KIR2DL3: variants seen among roughly 807,000 people sequenced by gnomAD.
KIR2DL3 encodes killer cell immunoglobulin-like receptor 2DL3.
KIR2DL3 carries 39 observed loss-of-function variants against 33.8 expected under a neutral mutation model. The ratio of observed to expected loss-of-function variants is 1.15; its 90% CI spans 0.89 to 1.51. The LOEUF (loss-of-function observed/expected upper bound fraction) is 1.51. Among genes scored for constraint, KIR2DL3 ranks in the 40% most tolerant of loss-of-function variants. The pLI, the probability that KIR2DL3 is intolerant of heterozygous loss-of-function variation, is 0.00. For missense variants in KIR2DL3, 462 were observed against 426.2 expected (o/e 1.08, Z -0.74); for synonymous variants, 174 against 160.2 (o/e 1.09, Z -0.65).
chr19:54,739,807 A>G (rs1339689303), intron 2 of KIR2DL3, among the ~76,000 whole-genome samples: 1 of 152,212 alleles, frequency 6.6e-6, no homozygotes, highest in Non-Finnish European at 1.5e-5. Context: ...CTGAGGACAA[A>G]GGTGTTACTC....
intron 5 of KIR2DL3, among the ~76,000 whole-genome samples, chr19:54,747,756 C>T (rs1416758173): frequency 1.3e-5 from 2 of 152,156 alleles, no homozygotes; most frequent in Non-Finnish European, 2.9e-5. Context: ...TAGAGAAGTT[C>T]CACTTGCCAA....
At chr19:54,743,122 G>T (rs1267894596) in intron 3 of KIR2DL3, among the ~76,000 whole-genome samples, 1 of 151,926 alleles carries the variant, frequency 6.6e-6, no homozygotes, top group African/African-American at 2.4e-5. Context: ...GAACTAGAGA[G>T]ACCGAGAGGC....
chr19:54,743,019 G>T (rs2071477719), intron 3 of KIR2DL3, among the ~76,000 whole-genome samples: 1 of 151,870 alleles, frequency 6.6e-6, no homozygotes. Flanking sequence ...ATGGCAGGGA[G>T]CAGAGAAAAG....
rs71195797 is a variant in KIR2DL3, at chr19:54,744,954, ATTTTT to A, written c.664+885_664+889del. On this transcript the variant is annotated intron_variant, in intron 4 of 7. Transcript: ENST00000342376. ...TATATATATATATATATATATATATATTTTTTTTTTTTTTTTTTTTTTTACCCTCC... is the reference window on the plus strand; with the variant it reads ...TATATATATATATATATATATATATATTTTTTTTTTTTTTTTTTACCCTCC... Among the ~76,000 whole-genome samples the A allele has an allele frequency of 9.5e-3, 297 of 31,190 alleles. 2 individuals are homozygous for A. Among genetic ancestry groups the A allele is most frequent in the Admixed American group, 0.049 (96 of 1,946 alleles). 20.5% of individuals were successfully genotyped at this position (31,190 alleles called of 152,430 possible).
Position 54,744,025 on chromosome 19 carries a change from T to C in KIR2DL3, c.601T>C (p.Ser201Pro). 2.5e-6 allele frequency: 4 copies of C among 1,614,232 alleles called. No individual in the cohort carries two copies. The highest frequency in any genetic ancestry group is 2.5e-6 in the Non-Finnish European group (3 of 1,180,052). The change falls in exon 4 of 8, where the codon TCT becomes CCT. Residue 201 changes from serine (S) to proline (P), a missense_variant. By Grantham distance (74) the Ser-to-Pro change is moderately conservative (BLOSUM62 -1). Transcript: ENST00000342376. ...THGGTYRCFG[S>P]FRDSPYEWSN... ...CGGAGGAACCTACAGATGCTTCGGC[T>C]CTTTCCGTGACTCTCCATACGAGTG...
intron 3 of KIR2DL3, among the ~76,000 whole-genome samples, chr19:54,743,277 A>AATG (rs2071533051): frequency 6.7e-6 from 1 of 150,006 alleles, no homozygotes; most frequent in Non-Finnish European, 1.5e-5. Flanking sequence ...GACAGATAAT[A>AATG]CGTACAGATA....
Position 54,745,424 on chromosome 19 carries a change from G to A in KIR2DL3, c.664+1336G>A, listed in dbSNP as rs527885640. Among the ~76,000 whole-genome samples, 1,047 of 151,432 alleles carry A rather than the reference G, an allele frequency of 6.9e-3. 11 individuals carry two copies. The highest frequency in any genetic ancestry group is 0.024 in the African/African-American group (991 of 41,196). On this transcript the variant is annotated intron_variant, in intron 4 of 7. Coordinates refer to ENST00000342376, the MANE Select transcript of KIR2DL3 (RefSeq NM_015868.3). ...GTGCCCAGGCTGGAGTACAAGTGAA[G>A]TCATCTTGGCTCATTGCAACCTCCG...
intron 2 of KIR2DL3, among the ~76,000 whole-genome samples, chr19:54,741,718 G>A (rs1476951901): frequency 6.6e-6 from 1 of 151,246 alleles, no homozygotes; most frequent in Non-Finnish European, 1.5e-5. Context: ...ACATTAGTGT[G>A]AAATAGATAC....
intron 4 of KIR2DL3, among the ~76,000 whole-genome samples, chr19:54,746,798 C>G (rs1436296095): frequency 6.7e-6 from 1 of 149,672 alleles, no homozygotes; most frequent in Non-Finnish European, 1.5e-5. Flanking sequence ...GTCTGGCCGA[C>G]GTGATGAAAC....
rs2073697300 is a variant in KIR2DL3 at position 54,752,852 on chromosome 19, C to T, written c.*333C>T. The T allele has an allele frequency of 1.3e-5, 6 of 460,242 alleles. No individual in the cohort carries two copies. In the East Asian group the frequency reaches 2.0e-4, roughly 16 times the overall value. The allele number at this position is 460,242 out of a possible 1,614,324, so 28.5% of individuals were successfully genotyped here. ...CCTAGTCTACTTGAGGCTGCAATCA[C>T]ACTGAGGAACTCACAATTCCAAACA... is the stretch of plus-strand genomic sequence containing the variant. On this transcript the variant is annotated 3_prime_UTR_variant, in exon 8 of 8. Transcript: ENST00000342376.
chr19:54,745,661 A>G (rs998460494), intron 4 of KIR2DL3, among the ~76,000 whole-genome samples: 1 of 150,494 alleles, frequency 6.6e-6, no homozygotes, highest in Non-Finnish European at 1.5e-5. Flanking sequence ...ACCTCACCCA[A>G]CCTCTTTTTA....
rs185502633 is a variant in KIR2DL3, at chr19:54,740,253, G to T, written c.70+711G>T. Among the ~76,000 whole-genome samples the T allele has an allele frequency of 1.1e-4, 16 of 152,118 alleles. No individual in the cohort carries two copies. The South Asian group carries it at 2.3e-3, about 22-fold the overall frequency. ...TCCACATCCTCCTCTCTAAGGCGGC[G>T]CCTCCTTCTCCCCAAGGTGGTCAGG... On this transcript the variant is annotated intron_variant, in intron 2 of 7. Coordinates refer to ENST00000342376, the MANE Select transcript of KIR2DL3 (RefSeq NM_015868.3).
chr19:54,738,652 C>T, intron 1 of KIR2DL3, 73 bp downstream of exon 1: 2 of 1,609,544 alleles, frequency 1.2e-6, no homozygotes, highest in Non-Finnish European at 8.5e-7. Flanking sequence ...AGATATAGGC[C>T]TGGAAGTGGA....
chr19:54,747,022 T>A (rs1175988129), intron 4 of KIR2DL3, among the ~76,000 whole-genome samples: 178 of 126,572 alleles, frequency 1.4e-3, no homozygotes, highest in South Asian at 3.9e-3. Flanking sequence ...AATGCATGGA[T>A]TATATCTGTG....
rs558357351 is a variant in KIR2DL3, at chr19:54,738,936, A to G, written c.34+357A>G. ...TGGAGATATGGGCCTGGAGGTGGAG[A>G]TATGGGCCTGGAGGTGGAGATATGG... On this transcript the variant is annotated intron_variant, in intron 1 of 7. Coordinates refer to ENST00000342376, the MANE Select transcript of KIR2DL3 (RefSeq NM_015868.3). Among the ~76,000 whole-genome samples, 18 of 68,360 alleles carry G rather than the reference A, an allele frequency of 2.6e-4. No homozygotes were observed. In the East Asian group the frequency reaches 7.1e-3, roughly 27 times the overall value. 44.8% of individuals were successfully genotyped at this position (68,360 alleles called of 152,430 possible). A position where few individuals can be genotyped will look rare whatever the true frequency, so the allele number is the denominator to read the frequency against.
At chr19:54,739,723 G>A (rs1207825337) in intron 2 of KIR2DL3, among the ~76,000 whole-genome samples, 181 bp downstream of exon 2, 1 of 150,798 alleles carries the variant, frequency 6.6e-6, no homozygotes, top group East Asian at 1.9e-4. Flanking sequence ...GTCAAGTTCT[G>A]TGGGGACCAG....
intron 2 of KIR2DL3, among the ~76,000 whole-genome samples, chr19:54,740,117 T>A (rs1275114164): frequency 6.6e-6 from 1 of 152,134 alleles, no homozygotes; most frequent in African/African-American, 2.4e-5. Flanking sequence ...GGAGACACCA[T>A]GTCTTTGCGG....
At chr19:54,748,765 G>A (rs1169466301) in intron 5 of KIR2DL3, among the ~76,000 whole-genome samples, 179 of 145,206 alleles carry the variant, frequency 1.2e-3, no homozygotes, top group African/African-American at 4.4e-3. Flanking sequence ...GGGATTACAG[G>A]CAACTGCCAC....
rs2073208423 is a variant in KIR2DL3 at position 54,750,271 on chromosome 19, T to G, written c.716-1378T>G. Among the ~76,000 whole-genome samples, 4 of 135,994 alleles carry G rather than the reference T, an allele frequency of 2.9e-5. 1 individual carries two copies. The South Asian group carries it at 1.0e-3, about 34-fold the overall frequency. The allele number at this position is 135,994 out of a possible 152,430, so 89.2% of individuals were successfully genotyped here. ...ATACTCCTTGGAGTGAGTCCAGATCTTGGAATCAGAGATCAGTGCCAGCAC... is the reference window on the plus strand; with the variant it reads ...ATACTCCTTGGAGTGAGTCCAGATCGTGGAATCAGAGATCAGTGCCAGCAC... On this transcript the variant is annotated intron_variant, in intron 5 of 7. Coordinates refer to ENST00000342376, the MANE Select transcript of KIR2DL3 (RefSeq NM_015868.3).
Sources: gnomAD v4.1 joint callset for allele counts (sites outside exome capture counted in the v4.1 genomes callset) on GRCh38, gnomAD v4.1.1 for gene constraint, MANE v1.5 for transcripts, NCBI Gene and HGNC (gene_info 2026-07-23, HGNC 2026-07-21) for gene names.